PCDHGA2: variants seen among roughly 807,000 people sequenced by gnomAD.
PCDHGA2 encodes protocadherin gamma subfamily A, 2.
PCDHGA2 carries 40 observed loss-of-function variants against 59.2 expected under a neutral mutation model. The ratio of observed to expected loss-of-function variants is 0.68; its 90% CI spans 0.52 to 0.88. The LOEUF is 0.88. Ranked by LOEUF, PCDHGA2 falls within the 40% of genes least tolerant of loss-of-function variation. The probability of loss-of-function intolerance (pLI) is 0.00; values close to 1 mark genes in which losing one functional copy is unlikely to be tolerated. For synonymous variants in PCDHGA2, 560 were observed against 526.0 expected (o/e 1.06, Z -0.89); for missense variants, 1,226 against 1,204.0 (o/e 1.02, Z -0.27).
intron 1 of PCDHGA2, among the ~76,000 whole-genome samples, chr5:141,380,002 C>T (rs1238165554): frequency 6.9e-6 from 1 of 143,940 alleles, no homozygotes; most frequent in African/African-American, 2.6e-5. Flanking sequence ...TGGGTTCAAG[C>T]GATTCTCCTG....
intron 1 of PCDHGA2, chr5:141,395,547 TGTGTGTGTGTGTGTGTGTGTG>T (rs2093271294): frequency 4.6e-5 from 8 of 174,262 alleles, no homozygotes; most frequent in Non-Finnish European, 8.3e-5. Context: ...ATTGTTTGTG[TGTGTGTGTGTGTGTGTGTGTG>T]TGTGTGTGTG....
Position 141,485,286 on chromosome 5 carries a change from AG to A in PCDHGA2, c.2425-9520del. On this transcript the variant is annotated intron_variant, in intron 1 of 3. Coordinates refer to ENST00000394576, the MANE Select transcript of PCDHGA2 (RefSeq NM_018915.4). This position sits in a 1 kb window ranked among gnomAD's most constrained non-coding sequence, Gnocchi z 5.7. ...CAGATCCGCTACCCGGTCCCAGAGG[AG>A]TCACAGGAAGGGACTTTTGTAGGGA... The A allele has an allele frequency of 6.2e-7, 1 of 1,614,044 alleles. No homozygotes were observed. Among genetic ancestry groups the A allele is most frequent in the Non-Finnish European group, 8.5e-7 (1 of 1,179,928 alleles).
intron 1 of PCDHGA2, among the ~76,000 whole-genome samples, chr5:141,434,495 G>A (rs1414485396): frequency 6.6e-6 from 1 of 152,220 alleles, no homozygotes; most frequent in Non-Finnish European, 1.5e-5. Flanking sequence ...GGCCCGCCCA[G>A]GGCAGAAAAC....
intron 1 of PCDHGA2, chr5:141,418,417 T>G: frequency 6.2e-7 from 1 of 1,614,002 alleles, no homozygotes; most frequent in Non-Finnish European, 8.5e-7. Flanking sequence ...AAGACAATCC[T>G]GATGGTGGCA....
chr5:141,389,070 T>C, intron 1 of PCDHGA2: 1 of 1,613,964 alleles, frequency 6.2e-7, no homozygotes, highest in South Asian at 1.1e-5. Flanking sequence ...ATTAACTTCT[T>C]CAAGAAACAC....
At chr5:141,400,441 G>T (rs757449650) in intron 1 of PCDHGA2, 29 of 1,613,966 alleles carry the variant, frequency 1.8e-5, no homozygotes, top group Non-Finnish European at 2.1e-5. Flanking sequence ...ATTGAGTTCA[G>T]GACAAGACAT....
chr5:141,486,161 A>G lies in PCDHGA2; in HGVS notation c.2425-8646A>G. 1 of 1,614,216 alleles carries G rather than the reference A, an allele frequency of 6.2e-7. No individual in the cohort carries two copies. The highest frequency in any genetic ancestry group is 8.5e-7 in the Non-Finnish European group (1 of 1,180,038). ...GGCTCGCGATGGGGGTTCTCCAGCC[A>G]TGGAGCAACATTGCAGCCTTCGAGT... On this transcript the variant is annotated intron_variant, in intron 1 of 3. Coordinates refer to ENST00000394576, the MANE Select transcript of PCDHGA2 (RefSeq NM_018915.4). The surrounding 1 kb of genome is among the most constrained non-coding windows in gnomAD (Gnocchi z 5.0).
At position 141,431,954 on chromosome 5, in the gene PCDHGA2, G is replaced by A. The variant is rs912037044; in HGVS notation, c.2425-62853G>A. 6.2e-7 allele frequency: 1 copy of A among 1,613,992 alleles called. No individual in the cohort carries two copies. Among genetic ancestry groups the A allele is most frequent in the African/African-American group, 1.3e-5 (1 of 74,896 alleles). ...GCCCTTTAAATTAGAAAAATCTTAC[G>A]GAAATTACTATAGTTTAGTCACAGA... is the stretch of plus-strand genomic sequence containing the variant. On this transcript the variant is annotated intron_variant, in intron 1 of 3. Coordinates refer to ENST00000394576, the MANE Select transcript of PCDHGA2 (RefSeq NM_018915.4). This position sits in a 1 kb window ranked among gnomAD's most constrained non-coding sequence, Gnocchi z 4.8.
At chr5:141,377,829 C>T (rs970459356) in intron 1 of PCDHGA2, 2 of 152,110 alleles carry the variant, frequency 1.3e-5, no homozygotes, top group South Asian at 2.1e-4. Context: ...CAGTTACAAT[C>T]GCCATTATCT....
Position 141,477,588 on chromosome 5 carries a change from G to T in PCDHGA2, c.2425-17219G>T. 1 of 1,614,152 alleles carries T rather than the reference G, an allele frequency of 6.2e-7. No individual in the cohort carries two copies. The highest frequency in any genetic ancestry group is 8.5e-7 in the Non-Finnish European group (1 of 1,180,040). ...GACCCCGACGCCCCGCAGAATGCTCGGCTTTCTTTCTTTCTCTTGGAGCAA... is the reference window on the plus strand; with the variant it reads ...GACCCCGACGCCCCGCAGAATGCTCTGCTTTCTTTCTTTCTCTTGGAGCAA... On this transcript the variant is annotated intron_variant, in intron 1 of 3. Coordinates refer to ENST00000394576, the MANE Select transcript of PCDHGA2 (RefSeq NM_018915.4). This position sits in a 1 kb window ranked among gnomAD's most constrained non-coding sequence, Gnocchi z 4.9.
At chr5:141,369,372 TA>T (rs1766193599) in intron 1 of PCDHGA2, among the ~76,000 whole-genome samples, 1 of 152,142 alleles carries the variant, frequency 6.6e-6, no homozygotes, top group Non-Finnish European at 1.5e-5. Flanking sequence ...ACATCCTTTG[TA>T]AAAGTTTTTC....
chr5:141,343,234 C>T (rs1298653463), intron 1 of PCDHGA2: 20 of 895,450 alleles, frequency 2.2e-5, no homozygotes, highest in Non-Finnish European at 2.7e-5. Context: ...TATTAAATAA[C>T]AACAAATATC....
chr5:141,460,979 GTGTGTATATATATATA>G (rs2099004425), intron 1 of PCDHGA2, among the ~76,000 whole-genome samples: 1 of 134,290 alleles, frequency 7.4e-6, no homozygotes, highest in Non-Finnish European at 1.5e-5. Flanking sequence ...GTGTGTGTGT[GTGTGTATATATATATA>G]TGTGTATATA....
At chr5:141,379,467 G>A (rs1337785290) in intron 1 of PCDHGA2, 1 of 152,222 alleles carries the variant, frequency 6.6e-6, no homozygotes, top group Non-Finnish European at 1.5e-5. Context: ...CTCTGAAAGT[G>A]TGAATGTTAT....
At position 141,390,019 on chromosome 5, in the gene PCDHGA2, G is replaced by A. The variant is rs1047341984; in HGVS notation, c.2424+48624G>A. The A allele has an allele frequency of 1.9e-6, 3 of 1,614,002 alleles. No individual in the cohort carries two copies. Among genetic ancestry groups the A allele is most frequent in the Non-Finnish European group, 2.5e-6 (3 of 1,179,896 alleles). Reference sequence around the variant, plus strand: ...GCCATGATTCTGGCCATTGCCTTGCGCCTGCGACGCTCCTCCAGCCCCGCC... The same window carrying A: ...GCCATGATTCTGGCCATTGCCTTGCACCTGCGACGCTCCTCCAGCCCCGCC... On this transcript the variant is annotated intron_variant, in intron 1 of 3. Transcript: ENST00000394576.
At chr5:141,406,748 A>G (rs180930343) in intron 1 of PCDHGA2, among the ~76,000 whole-genome samples, 80 of 152,312 alleles carry the variant, frequency 5.3e-4, no homozygotes, top group Non-Finnish European at 1.5e-4. Context: ...GTGAAATGAC[A>G]AAACAAGGAA....
At chr5:141,435,728 A>T (rs549219746) in intron 1 of PCDHGA2, among the ~76,000 whole-genome samples, 1 of 152,200 alleles carries the variant, frequency 6.6e-6, no homozygotes, top group Non-Finnish European at 1.5e-5. Flanking sequence ...GCTAAAGTGT[A>T]TTACTCTTTG....
At chr5:141,388,439 A>G (rs1209677690) in intron 1 of PCDHGA2, 10 of 1,613,896 alleles carry the variant, frequency 6.2e-6, no homozygotes, top group Non-Finnish European at 8.5e-6. Context: ...ATAAAGAGAA[A>G]TCAGATGGCA....
At chr5:141,384,610 G>A in intron 1 of PCDHGA2, 1 of 1,614,238 alleles carries the variant, frequency 6.2e-7, no homozygotes, top group Non-Finnish European at 8.5e-7. Context: ...CCCCACAGAT[G>A]GTTCTACTGG....
Sources: gnomAD v4.1 joint callset for allele counts (sites outside exome capture counted in the v4.1 genomes callset) on GRCh38, gnomAD v4.1.1 for gene constraint, Gnocchi (gnomAD v3.1) non-coding constraint, MANE v1.5 for transcripts, NCBI Gene and HGNC (gene_info 2026-07-23, HGNC 2026-07-21) for gene names.